FBXO42: variants seen among roughly 807,000 people sequenced by gnomAD.
FBXO42 encodes the protein F-box protein 42.
FBXO42 carries 12 observed loss-of-function variants against 71.7 expected under a neutral mutation model. That is an observed-to-expected ratio of 0.17 (90% confidence interval 0.11 to 0.27). FBXO42 has a LOEUF of 0.27. FBXO42 is among the 10% of genes least tolerant of loss of function. The probability of loss-of-function intolerance (pLI) is 1.00; values close to 1 mark genes in which losing one functional copy is unlikely to be tolerated. For missense variants in FBXO42, 707 were observed against 911.9 expected (o/e 0.78, Z 2.89); for synonymous variants, 325 against 327.5 (o/e 0.99, Z 0.08).
rs530046754 is a variant in FBXO42, at chr1:16,286,850, G to C, written c.502+7933C>G. 1.4e-4 allele frequency among the ~76,000 whole-genome samples: 21 copies of C among 152,222 alleles called. No homozygotes were observed. In the South Asian group the frequency reaches 4.1e-3, roughly 30 times the overall value. On this transcript the variant is annotated intron_variant, in intron 4 of 9. Transcript: ENST00000375592. ...AAAAACCTGAAGAGTCATCTTGATTGCTTTCTTTCTCTTTCCTACTCTACA... is the reference window on the plus strand; with the variant it reads ...AAAAACCTGAAGAGTCATCTTGATTCCTTTCTTTCTCTTTCCTACTCTACA...
intron 1 of FBXO42, among the ~76,000 whole-genome samples, chr1:16,320,360 C>CAA (rs35441053): frequency 0.24 from 26,795 of 112,994 alleles, 3,652 homozygotes; most frequent in African/African-American, 0.29. Flanking sequence ...AACTCCATGT[C>CAA]AAAAAAAAAA....
In FBXO42 at chr1:16,250,152, G is replaced by A. The variant is rs1376562248; in HGVS notation, c.*518C>T. 1.3e-5 allele frequency: 2 copies of A among 152,212 alleles called. No homozygotes were observed. The highest frequency in any genetic ancestry group is 4.8e-5 in the African/African-American group (2 of 41,458). 9.4% of individuals were successfully genotyped at this position (152,212 alleles called of 1,614,324 possible). A position where few individuals can be genotyped will look rare whatever the true frequency, so the allele number is the denominator to read the frequency against. ...TGGCATTTCTGCAGAGCTGTCACAG[G>A]TCCTCTGTGGTTTTAAGAGAAGGGG... On this transcript the variant is annotated 3_prime_UTR_variant, in exon 10 of 10. Transcript: ENST00000375592. This position sits in a 1 kb window ranked among gnomAD's most constrained non-coding sequence, Gnocchi z 4.7.
At chr1:16,306,895 A>G (rs555816983) in intron 2 of FBXO42, among the ~76,000 whole-genome samples, 2 of 151,772 alleles carry the variant, frequency 1.3e-5, no homozygotes, top group East Asian at 3.9e-4. Context: ...AACTCAGGAA[A>G]GTTTGTTTTC....
At chr1:16,268,947 T>C (rs971069316) in intron 4 of FBXO42, among the ~76,000 whole-genome samples, 2 of 151,296 alleles carry the variant, frequency 1.3e-5, no homozygotes, top group East Asian at 2.0e-4. Context: ...TAGCTGGGAC[T>C]ACAGACACGC....
chr1:16,272,480 A>T (rs1178386779), intron 4 of FBXO42, among the ~76,000 whole-genome samples: 1 of 152,086 alleles, frequency 6.6e-6, no homozygotes, highest in African/African-American at 2.4e-5. Context: ...GCTGGTTTCG[A>T]ACTCCTGACC....
intron 2 of FBXO42, among the ~76,000 whole-genome samples, chr1:16,309,057 C>CTTTTTT (rs58594138): frequency 2.6e-5 from 1 of 38,688 alleles, no homozygotes; most frequent in Non-Finnish European, 4.2e-5. Context: ...GACCCCATCT[C>CTTTTTT]TTTTTTTTTT....
At chr1:16,270,901 G>A (rs553827991) in intron 4 of FBXO42, among the ~76,000 whole-genome samples, 1 of 151,650 alleles carries the variant, frequency 6.6e-6, no homozygotes, top group South Asian at 2.1e-4. Flanking sequence ...CTTGCTGAGG[G>A]GAAGAAAGAC....
intron 4 of FBXO42, among the ~76,000 whole-genome samples, chr1:16,268,421 CA>C (rs1557575724): frequency 6.6e-6 from 1 of 152,082 alleles, no homozygotes; most frequent in African/African-American, 2.4e-5. Context: ...TCTAAATAAA[CA>C]AGAAGGATTT....
At chr1:16,305,706 C>T in intron 3 of FBXO42, 97 bp downstream of exon 3, 1 of 1,035,920 alleles carries the variant, frequency 9.7e-7, no homozygotes, top group Non-Finnish European at 1.5e-6. Flanking sequence ...AGAGTGAGAC[C>T]TTGTCTCAAA....
intron 4 of FBXO42, among the ~76,000 whole-genome samples, chr1:16,262,659 A>G (rs1004551378): frequency 1.3e-5 from 2 of 152,186 alleles, no homozygotes; most frequent in African/African-American, 4.8e-5. Context: ...ACCAGTACAC[A>G]TGGGGTGGTC....
chr1:16,298,604 G>C (rs1359426965), intron 3 of FBXO42, among the ~76,000 whole-genome samples: 1 of 152,016 alleles, frequency 6.6e-6, no homozygotes, highest in Non-Finnish European at 1.5e-5. Flanking sequence ...CCGCCTCCTA[G>C]GTTCAAGTGA....
In FBXO42 at chr1:16,251,052, T is replaced by C. The variant is rs1237677510; in HGVS notation, c.1772A>G (p.Gln591Arg). Residue 591 changes from glutamine to arginine, a missense_variant, in exon 10 of 10, where the codon CAG becomes CGG. Gln to Arg is a conservative substitution (Grantham distance 43). This residue lies in a region of FBXO42 where 482 missense variants were observed against 587.1 expected (regional missense o/e 0.82). Coordinates refer to ENST00000375592, the MANE Select transcript of FBXO42 (RefSeq NM_018994.3). The surrounding 1 kb of genome is among the most constrained non-coding windows in gnomAD (Gnocchi z 4.5). ...LGSSPGSPGS[Q>R]SLSSGETVPI... ...CACTGTTTCTCCACTGCTCAAACTC[T>C]GGCTCCCAGGAGAGCCTGGAGAAGA... is the stretch of plus-strand genomic sequence containing the variant. 7 of 1,614,096 alleles carry C rather than the reference T, an allele frequency of 4.3e-6. No individual in the cohort carries two copies. The highest frequency in any genetic ancestry group is 5.1e-6 in the Non-Finnish European group (6 of 1,180,048).
chr1:16,306,624 T>C (rs923081514), intron 2 of FBXO42, among the ~76,000 whole-genome samples: 2 of 152,218 alleles, frequency 1.3e-5, no homozygotes, highest in African/African-American at 4.8e-5. Flanking sequence ...TAAATATCTA[T>C]AGTTGGAAAC....
chr1:16,266,312 A>G (rs772914192), intron 4 of FBXO42, among the ~76,000 whole-genome samples: 10 of 149,898 alleles, frequency 6.7e-5, no homozygotes, highest in Non-Finnish European at 8.8e-5. Flanking sequence ...TGAGGAAAAG[A>G]GCCATGCTAA....
intron 1 of FBXO42, among the ~76,000 whole-genome samples, chr1:16,337,914 A>AAAAAAAAG (rs2082566965): frequency 7.0e-6 from 1 of 142,964 alleles, no homozygotes; most frequent in Non-Finnish European, 1.5e-5. Flanking sequence ...AAAAAAAAAA[A>AAAAAAAAG]AAGAATAATA....
intron 4 of FBXO42, among the ~76,000 whole-genome samples, chr1:16,267,722 A>G (rs2081794194): frequency 6.6e-6 from 1 of 152,232 alleles, no homozygotes; most frequent in Non-Finnish European, 1.5e-5. Context: ...ATTCACTGGT[A>G]TTAGACAAAA....
rs1557564498 is a variant in FBXO42, at chr1:16,248,539, G to C, written c.*2131C>G. On this transcript the variant is annotated 3_prime_UTR_variant, in exon 10 of 10. Coordinates refer to ENST00000375592, the MANE Select transcript of FBXO42 (RefSeq NM_018994.3). ...TAAGGTTGAGATTCTGTACTTTCAG[G>C]TTTCTAATATACTTTATATTTAGAT... is the stretch of plus-strand genomic sequence containing the variant. 1 of 152,174 alleles carries C rather than the reference G, an allele frequency of 6.6e-6. No homozygotes were observed. Among genetic ancestry groups the C allele is most frequent in the Non-Finnish European group, 1.5e-5 (1 of 68,042 alleles). The allele number at this position is 152,174 out of a possible 1,614,324, so 9.4% of individuals were successfully genotyped here. A position where few individuals can be genotyped will look rare whatever the true frequency, so the allele number is the denominator to read the frequency against.
chr1:16,251,318 C>G lies in FBXO42; in HGVS notation c.1506G>C (p.Leu502=). 1 of 1,614,234 alleles carries G rather than the reference C, an allele frequency of 6.2e-7. No homozygotes were observed. Among genetic ancestry groups the G allele is most frequent in the Non-Finnish European group, 8.5e-7 (1 of 1,180,032 alleles). ...TGGAAGCGGGTTTCAGATCCCAATT[C>G]AGATCTATGGATCCTAATCTCAGAT... ...QKDLRLGSID[L]NWDLKPASSS... The change falls in exon 10 of 10, where the codon CTG becomes CTC. Residue 502 remains leucine, a synonymous_variant. Coordinates refer to ENST00000375592, the MANE Select transcript of FBXO42 (RefSeq NM_018994.3). The surrounding 1 kb of genome is among the most constrained non-coding windows in gnomAD (Gnocchi z 4.5).
intron 6 of FBXO42, 87 bp downstream of exon 6, chr1:16,255,624 G>T: frequency 9.1e-7 from 1 of 1,104,296 alleles, no homozygotes; most frequent in Non-Finnish European, 1.3e-6. Flanking sequence ...TGTGAATTAG[G>T]CACCTGGTCC....
Sources: gnomAD v4.1 joint callset for allele counts (sites outside exome capture counted in the v4.1 genomes callset) on GRCh38, gnomAD v4.1.1 for gene constraint, gnomAD v4.1.1 regional missense constraint, Gnocchi (gnomAD v3.1) non-coding constraint, MANE v1.5 for transcripts, NCBI Gene and HGNC (gene_info 2026-07-23, HGNC 2026-07-21) for gene names.